Variants in SLC22A23 observed in about 807,000 individuals in gnomAD.
SLC22A23 encodes the protein ion transporter protein.
In SLC22A23, 26 loss-of-function variants were observed where a neutral mutation model predicts 61.0. That is an observed-to-expected ratio of 0.43 (90% CI 0.31 to 0.59). SLC22A23 has a LOEUF of 0.59. Ranked by LOEUF, SLC22A23 falls within the 20% of genes least tolerant of loss-of-function variation. SLC22A23 has a pLI of 0.11. For missense variants in SLC22A23, 796 were observed against 934.7 expected (o/e 0.85, Z 1.94); for synonymous variants, 430 against 413.9 (o/e 1.04, Z -0.47).
chr6:3,363,500 G>A (rs1765612722), intron 3 of SLC22A23, among the ~76,000 whole-genome samples: 3 of 152,246 alleles, frequency 2.0e-5, no homozygotes, highest in African/African-American at 7.2e-5. Context: ...ATGAGTCATG[G>A]TTTTGTCCCC....
At chr6:3,369,380 A>G (rs1484296607) in intron 3 of SLC22A23, among the ~76,000 whole-genome samples, 6 of 152,190 alleles carry the variant, frequency 3.9e-5, no homozygotes, top group Admixed American at 2.0e-4. Flanking sequence ...CTAAAAGTCC[A>G]TGGATAACTG....
intron 1 of SLC22A23, among the ~76,000 whole-genome samples, chr6:3,441,109 A>T (rs779784780): frequency 6.6e-6 from 1 of 152,112 alleles, no homozygotes; most frequent in Non-Finnish European, 1.5e-5. Context: ...CGAGAGGGAG[A>T]GGGCTGTGGC....
intron 6 of SLC22A23, among the ~76,000 whole-genome samples, chr6:3,288,470 TGA>T (rs1274247548): frequency 6.6e-6 from 1 of 152,194 alleles, no homozygotes; most frequent in Non-Finnish European, 1.5e-5. Context: ...ATCCAGCAAC[TGA>T]TTTGGTTCAG....
At chr6:3,321,154 A>T (rs1292635899) in intron 4 of SLC22A23, among the ~76,000 whole-genome samples, 1 of 152,196 alleles carries the variant, frequency 6.6e-6, no homozygotes, top group Non-Finnish European at 1.5e-5. Flanking sequence ...CCCTCCATGC[A>T]TATGTTTTCC....
Position 3,330,656 on chromosome 6 carries a change from C to T in SLC22A23, c.914-6654G>A, listed in dbSNP as rs1360022825. Among the ~76,000 whole-genome samples the T allele has an allele frequency of 6.6e-6, 1 of 152,152 alleles. No individual in the cohort carries two copies. The highest frequency in any genetic ancestry group is 1.5e-5 in the Non-Finnish European group (1 of 68,032). On this transcript the variant is annotated intron_variant, in intron 3 of 9. Transcript: ENST00000406686. This position sits in a 1 kb window ranked among gnomAD's most constrained non-coding sequence, Gnocchi z 4.7. ...ATTATAGCAGAAGGGCCTGAAATTG[C>T]CAGTCATGGAGACCCAAATAGCATT...
chr6:3,349,826 C>G (rs1764657966), intron 3 of SLC22A23, among the ~76,000 whole-genome samples: 1 of 152,200 alleles, frequency 6.6e-6, no homozygotes, highest in South Asian at 2.1e-4. Context: ...AACCTGATAT[C>G]TTCAGGAAAG....
At position 3,333,324 on chromosome 6, in the gene SLC22A23, C is replaced by G. The variant is rs1396171435; in HGVS notation, c.914-9322G>C. Reference sequence around the variant, plus strand: ...AGGCAGCATCATAAAATCACAATCACTCTGGGTGATAGCTAATTTCACACC... The same window carrying G: ...AGGCAGCATCATAAAATCACAATCAGTCTGGGTGATAGCTAATTTCACACC... On this transcript the variant is annotated intron_variant, in intron 3 of 9. Coordinates refer to ENST00000406686, the MANE Select transcript of SLC22A23 (RefSeq NM_015482.2). This position sits in a 1 kb window ranked among gnomAD's most constrained non-coding sequence, Gnocchi z 4.1. 6.6e-6 allele frequency among the ~76,000 whole-genome samples: 1 copy of G among 152,196 alleles called. No individual in the cohort carries two copies. Among genetic ancestry groups the G allele is most frequent in the African/African-American group, 2.4e-5 (1 of 41,438 alleles).
rs971285192 is a variant in SLC22A23, at chr6:3,309,054, C to A, written c.1083-10836G>T. On this transcript the variant is annotated intron_variant, in intron 4 of 9. Transcript: ENST00000406686. The surrounding 1 kb of genome is among the most constrained non-coding windows in gnomAD (Gnocchi z 4.7). ...CTTAAAAAGAGCCGAGGGCTGGGCG[C>A]TTTGGGAGGCTGAGGTGGGTGGATC... Among the ~76,000 whole-genome samples the A allele has an allele frequency of 2.0e-5, 3 of 151,842 alleles. No individual in the cohort carries two copies. The highest frequency in any genetic ancestry group is 4.4e-5 in the Non-Finnish European group (3 of 67,974).
chr6:3,430,008 CTGAACTATACACTTAAAA>C (rs1456879519), intron 1 of SLC22A23, among the ~76,000 whole-genome samples: 1 of 152,180 alleles, frequency 6.6e-6, no homozygotes, highest in Non-Finnish European at 1.5e-5. Context: ...ATGGCTTACA[CTGAACTATACACTTAAAA>C]TGGTTAATTT....
intron 4 of SLC22A23, among the ~76,000 whole-genome samples, chr6:3,307,292 G>C (rs1425081624): frequency 1.3e-5 from 2 of 152,220 alleles, no homozygotes; most frequent in Non-Finnish European, 2.9e-5. Flanking sequence ...ACTGTGGAGA[G>C]GGCTCTTTCC....
At chr6:3,440,217 G>A (rs1771499990) in intron 1 of SLC22A23, among the ~76,000 whole-genome samples, 1 of 152,206 alleles carries the variant, frequency 6.6e-6, no homozygotes, top group Non-Finnish European at 1.5e-5. Flanking sequence ...GATCAGAGCT[G>A]CCCTGCTCAG....
chr6:3,405,267 T>TAA (rs1001198356), intron 3 of SLC22A23, among the ~76,000 whole-genome samples: 4 of 139,042 alleles, frequency 2.9e-5, no homozygotes, highest in African/African-American at 9.1e-5. Flanking sequence ...TCAAAAAATT[T>TAA]AAAAAAAAAA....
At chr6:3,429,496 A>G (rs201609860) in intron 1 of SLC22A23, among the ~76,000 whole-genome samples, 48,174 of 152,000 alleles carry the variant, frequency 0.32, 8,451 homozygotes, top group East Asian at 0.48. Flanking sequence ...CATTAGCCCA[A>G]GCCGATTAGG....
At chr6:3,374,957 T>A (rs1766465396) in intron 3 of SLC22A23, among the ~76,000 whole-genome samples, 1 of 152,220 alleles carries the variant, frequency 6.6e-6, no homozygotes, top group Admixed American at 6.5e-5. Context: ...AAGAGGAAAC[T>A]GATGGACTCT....
intron 3 of SLC22A23, among the ~76,000 whole-genome samples, chr6:3,361,879 G>A (rs183737909): frequency 7.3e-4 from 111 of 152,226 alleles, no homozygotes; most frequent in Middle Eastern, 3.4e-3. Context: ...ATGAAGACAT[G>A]GTCCCTACCC....
At chr6:3,298,761 A>G (rs1761340336) in intron 4 of SLC22A23, among the ~76,000 whole-genome samples, 1 of 152,034 alleles carries the variant, frequency 6.6e-6, no homozygotes, top group South Asian at 2.1e-4. Context: ...TCATGAGGTC[A>G]GGAGATCGAG....
Position 3,425,505 on chromosome 6 carries a change from C to T in SLC22A23, c.655-9650G>A, listed in dbSNP as rs577456674. Among the ~76,000 whole-genome samples the T allele has an allele frequency of 2.0e-5, 3 of 152,128 alleles. No homozygotes were observed. The East Asian group carries it at 5.8e-4, about 29-fold the overall frequency. ...TTCACCGTGTTAGCCAGGATGGTCT[C>T]AATCTCCTGACCTCATGATCCGCCC... is the stretch of plus-strand genomic sequence containing the variant. On this transcript the variant is annotated intron_variant, in intron 1 of 9. Coordinates refer to ENST00000406686, the MANE Select transcript of SLC22A23 (RefSeq NM_015482.2).
rs761454665 is a variant in SLC22A23, at chr6:3,390,101, C to G, written c.913+20087G>C. Among the ~76,000 whole-genome samples, 120 of 152,292 alleles carry G rather than the reference C, an allele frequency of 7.9e-4. No individual in the cohort carries two copies. Among genetic ancestry groups the G allele is most frequent in the Non-Finnish European group, 1.3e-3 (87 of 68,034 alleles). ...CATCACTGGGCCAGTTGCCACCATC[C>G]GTCCGTGGGCTCATCCGGAACAGCA... On this transcript the variant is annotated intron_variant, in intron 3 of 9. Coordinates refer to ENST00000406686, the MANE Select transcript of SLC22A23 (RefSeq NM_015482.2). The surrounding 1 kb of genome is among the most constrained non-coding windows in gnomAD (Gnocchi z 4.0).
chr6:3,282,333 A>G (rs529960327), intron 9 of SLC22A23: 3 of 702,272 alleles, frequency 4.3e-6, no homozygotes, highest in South Asian at 3.0e-5. Flanking sequence ...TGCAGAAGGT[A>G]GGGACAGGAT....
Sources: allele counts gnomAD v4.1 joint callset (sites outside exome capture counted in the v4.1 genomes callset), GRCh38; gene constraint gnomAD v4.1.1; non-coding constraint Gnocchi (gnomAD v3.1); transcripts MANE v1.5; gene names NCBI Gene and HGNC (gene_info 2026-07-23, HGNC 2026-07-21).